The following CPED1 variants were observed in gnomAD, a reference collection of about 807,000 sequenced individuals.
The protein encoded by CPED1 is cadherin like and PC-esterase domain containing 1.
A neutral mutation model predicts 128.2 loss-of-function variants in CPED1; 114 were observed. The observed-to-expected ratio is 0.89, with a 90% CI of 0.76 to 1.04. The LOEUF is 1.04. Among genes scored for constraint, CPED1 ranks in the 50% least tolerant of loss-of-function variants. The pLI is 0.00. For missense variants in CPED1, 1,211 were observed against 1,207.1 expected (o/e 1.00, Z -0.05); for synonymous variants, 462 against 426.7 (o/e 1.08, Z -1.02).
At chr7:121,153,018 A>G (rs1447449783) in intron 16 of CPED1, among the ~76,000 whole-genome samples, 1 of 152,190 alleles carries the variant, frequency 6.6e-6, no homozygotes, top group African/African-American at 2.4e-5. Flanking sequence ...GAATTATTTA[A>G]CAATAAGAGA....
intron 5 of CPED1, among the ~76,000 whole-genome samples, chr7:121,082,854 T>C (rs376514324): frequency 4.6e-5 from 7 of 152,206 alleles, no homozygotes; most frequent in East Asian, 1.9e-4. Flanking sequence ...AAGAAAATTG[T>C]TTCAGCTAGG....
chr7:121,115,279 A>G (rs763772366), intron 7 of CPED1, among the ~76,000 whole-genome samples: 3 of 152,220 alleles, frequency 2.0e-5, no homozygotes, highest in Non-Finnish European at 2.9e-5. Flanking sequence ...ATGTAAAAGA[A>G]TGAAATATTG....
chr7:121,264,494 A>G (rs939523250), intron 18 of CPED1, among the ~76,000 whole-genome samples: 3 of 152,050 alleles, frequency 2.0e-5, no homozygotes, highest in African/African-American at 7.2e-5. Context: ...AGTCCTTGAA[A>G]TCTTGTTATT....
At chr7:121,246,340 A>T (rs1798533630) in intron 18 of CPED1, among the ~76,000 whole-genome samples, 5 of 152,174 alleles carry the variant, frequency 3.3e-5, no homozygotes, top group Admixed American at 3.3e-4. Flanking sequence ...TGTTTGTCTT[A>T]GCTCGAGCTG....
chr7:121,072,135 A>G (rs1794006236), intron 5 of CPED1, among the ~76,000 whole-genome samples: 1 of 150,444 alleles, frequency 6.6e-6, no homozygotes, highest in Non-Finnish European at 1.5e-5. Flanking sequence ...CTTTCACACT[A>G]GCGCTTAAGC....
At chr7:121,005,879 G>C (rs1408374419) in intron 2 of CPED1, among the ~76,000 whole-genome samples, 4 of 152,170 alleles carry the variant, frequency 2.6e-5, no homozygotes, top group Non-Finnish European at 5.9e-5. Flanking sequence ...AAAGTAGATG[G>C]AAGGTGTCAG....
chr7:121,109,555 T>C (rs1795056824), intron 7 of CPED1, among the ~76,000 whole-genome samples: 1 of 152,174 alleles, frequency 6.6e-6, no homozygotes, highest in Admixed American at 6.6e-5. Flanking sequence ...AGCTTCTTCT[T>C]ATTTGGTCTC....
intron 7 of CPED1, among the ~76,000 whole-genome samples, chr7:121,100,823 A>AT (rs1456209700): frequency 1.3e-5 from 2 of 152,094 alleles, no homozygotes; most frequent in Non-Finnish European, 2.9e-5. Context: ...ACTGAACTTG[A>AT]TTTTTTTCAG....
At chr7:121,241,712 ACT>A (rs1798401952) in intron 17 of CPED1, among the ~76,000 whole-genome samples, 3 of 151,984 alleles carry the variant, frequency 2.0e-5, no homozygotes, top group Admixed American at 1.3e-4. Flanking sequence ...CTTCCAGAAA[ACT>A]CTGACCTCCA....
At position 121,236,791 on chromosome 7, in the gene CPED1, A is replaced by G. The variant is rs1386533229; in HGVS notation, c.2133A>G (p.Leu711=). 6.2e-7 allele frequency: 1 copy of G among 1,608,074 alleles called. No individual in the cohort carries two copies. The highest frequency in any genetic ancestry group is 8.5e-7 in the Non-Finnish European group (1 of 1,177,098). Reference sequence around the variant, plus strand: ...CTTCTGACTACATTGAAGCCATTTTACAGTCTGAACTAAAAAGATGTCCAT... The same window carrying G: ...CTTCTGACTACATTGAAGCCATTTTGCAGTCTGAACTAAAAAGATGTCCAT... ...PISSDYIEAI[L]QSELKRCPSG... is the part of the protein sequence containing the mutation. The change falls in exon 17 of 23, where the codon TTA becomes TTG. Residue 711 remains leucine, a synonymous_variant. Transcript: ENST00000310396.
chr7:121,035,490 T>C (rs959954285), intron 3 of CPED1, among the ~76,000 whole-genome samples: 2 of 152,286 alleles, frequency 1.3e-5, no homozygotes, highest in South Asian at 2.1e-4. Flanking sequence ...GTTGAAGATG[T>C]CCTTATGCCT....
chr7:121,295,084 G>T (rs1224988225), intron 22 of CPED1, among the ~76,000 whole-genome samples: 1 of 151,644 alleles, frequency 6.6e-6, no homozygotes, highest in Non-Finnish European at 1.5e-5. Flanking sequence ...AGGCACACCA[G>T]TGCCTTTCCT....
intron 16 of CPED1, among the ~76,000 whole-genome samples, chr7:121,226,822 A>C (rs567946881): frequency 2.6e-5 from 4 of 152,248 alleles, no homozygotes; most frequent in Non-Finnish European, 5.9e-5. Flanking sequence ...ACATAAGCTA[A>C]TTCTATAAAT....
At chr7:121,094,607 A>G (rs1794654916) in intron 5 of CPED1, among the ~76,000 whole-genome samples, 2 of 152,170 alleles carry the variant, frequency 1.3e-5, no homozygotes, top group African/African-American at 4.8e-5. Context: ...TATAGTGTTC[A>G]GTGATATGGG....
At chr7:121,034,210 G>C (rs1324606880) in intron 3 of CPED1, among the ~76,000 whole-genome samples, 1 of 151,220 alleles carries the variant, frequency 6.6e-6, no homozygotes, top group Non-Finnish European at 1.5e-5. Context: ...GGATTATAAG[G>C]AGGGCATTAT....
chr7:121,092,083 T>C (rs568660763), intron 5 of CPED1, among the ~76,000 whole-genome samples: 3 of 152,162 alleles, frequency 2.0e-5, no homozygotes, highest in Non-Finnish European at 4.4e-5. Flanking sequence ...CCCATGCTCA[T>C]TGTGGGTTCC....
chr7:121,004,622 G>A (rs1219864423), intron 2 of CPED1, among the ~76,000 whole-genome samples: 1 of 152,176 alleles, frequency 6.6e-6, no homozygotes, highest in Non-Finnish European at 1.5e-5. Flanking sequence ...ATGGAGGTGG[G>A]AGGATGAGAA....
intron 6 of CPED1, among the ~76,000 whole-genome samples, chr7:121,099,050 C>T (rs1169286058): frequency 6.7e-6 from 1 of 150,220 alleles, no homozygotes; most frequent in African/African-American, 2.4e-5. Flanking sequence ...TATTTCATCC[C>T]TTAAGTTAAC....
At position 121,295,540 on chromosome 7, in the gene CPED1, A is replaced by T; in HGVS notation, c.2969A>T (p.Gln990Leu). ...GRYFSNQSKL[Q>L]QGTVTNFRSP... ...TATTTCAGCAATCAAAGCAAACTAC[A>T]ACAAGGCACTGTAACAAATTTTCGA... Residue 990 changes from glutamine to leucine, a missense_variant, in exon 23 of 23, where the codon CAA (glutamine) becomes CTA (leucine). Transcript: ENST00000310396. 2 of 1,614,160 alleles carry T rather than the reference A, an allele frequency of 1.2e-6. No homozygotes were observed. The highest frequency in any genetic ancestry group is 1.7e-6 in the Non-Finnish European group (2 of 1,179,984).
Sources: allele counts gnomAD v4.1 joint callset (sites outside exome capture counted in the v4.1 genomes callset), GRCh38; gene constraint gnomAD v4.1.1; transcripts MANE v1.5; gene names NCBI Gene and HGNC (gene_info 2026-07-23, HGNC 2026-07-21).